USP29: variants seen among roughly 807,000 people sequenced by gnomAD.
The protein encoded by USP29 is ubiquitin specific peptidase 29, also known as ubiquitin carboxyl-terminal hydrolase 29.
For synonymous variants in USP29, 386 were observed against 387.4 expected (o/e 1.00, Z 0.04); for missense variants, 1,102 against 1,069.0 (o/e 1.03, Z -0.43).
At chr19:57,124,297 T>C (rs968372516) in intron 3 of USP29, among the ~76,000 whole-genome samples, 158 bp downstream of exon 3, 1 of 145,800 alleles carries the variant, frequency 6.9e-6, no homozygotes, top group African/African-American at 2.8e-5. Context: ...ATATTTTTTA[T>C]TTTTTCTGAA....
rs527678550 is a variant in USP29 at position 57,130,391 on chromosome 19, G to T, written c.1716G>T (p.Glu572Asp). The T allele has an allele frequency of 2.3e-5, 37 of 1,614,200 alleles. No homozygotes were observed. The South Asian group carries it at 3.6e-4, about 16-fold the overall frequency. ...AAGTCTCTCAGGAGATGATTTCTGAGATCAACAGCCCATTGACACCATCAA... is the reference window on the plus strand; with the variant it reads ...AAGTCTCTCAGGAGATGATTTCTGATATCAACAGCCCATTGACACCATCAA... ...VLEVSQEMIS[E>D]INSPLTPSMK... The change falls in exon 4 of 4, where the codon GAG (glutamate) becomes GAT (aspartate). Residue 572 changes from glutamate to aspartate, a missense_variant. Coordinates refer to ENST00000254181, the MANE Select transcript of USP29 (RefSeq NM_020903.3).
At position 57,127,126 on chromosome 19, in the gene USP29, T is replaced by C. The variant is rs530870236; in HGVS notation, c.-16-1534T>C. On this transcript the variant is annotated intron_variant, in intron 3 of 3. Transcript: ENST00000254181. ...ACAGCAAAGAGTGCTGCCTGTTCCT[T>C]CCTCTGGAAGATTTGTCCCAGAGGG... 3.1e-3 allele frequency among the ~76,000 whole-genome samples: 476 copies of C among 152,310 alleles called. 4 individuals are homozygous for C. The highest frequency in any genetic ancestry group is 0.011 in the South Asian group (54 of 4,832).
At chr19:57,127,979 G>A (rs925989558) in intron 3 of USP29, among the ~76,000 whole-genome samples, 2 of 152,214 alleles carry the variant, frequency 1.3e-5, no homozygotes, top group Non-Finnish European at 2.9e-5. Context: ...GTAACCGGGC[G>A]AGTAGCATAG....
rs760475128 is a variant in USP29 at position 57,129,370 on chromosome 19, G to A, written c.695G>A (p.Cys232Tyr). The A allele has an allele frequency of 1.2e-6, 2 of 1,614,190 alleles. No homozygotes were observed. The highest frequency in any genetic ancestry group is 1.1e-5 in the South Asian group (1 of 91,084). ...LKLGPSFNTN[C>Y]NGNPNLDETV... ...CTCGGGCCTTCATTCAATACCAACT[G>A]TAATGGAAATCCTAACCTAGATGAG... The change falls in exon 4 of 4, where the codon TGT (cysteine) becomes TAT (tyrosine). Residue 232 changes from cysteine (C) to tyrosine (Y), a missense_variant. Physicochemically the swap from Cys to Tyr is radical, Grantham distance 194 (BLOSUM62 -2). Transcript: ENST00000254181.
intron 1 of USP29, among the ~76,000 whole-genome samples, chr19:57,121,339 T>C (rs1449274768): frequency 6.8e-6 from 1 of 146,526 alleles, no homozygotes; most frequent in Non-Finnish European, 1.5e-5. Flanking sequence ...ATATTATATA[T>C]ACTTATATAT....
At position 57,130,794 on chromosome 19, in the gene USP29, A is replaced by G. The variant is rs533207033; in HGVS notation, c.2119A>G (p.Ser707Gly). ...TACATTCGTAGAGTTCAATTTTGAC[A>G]GTGTCACTGAGTCCACCAATGGCTT... is the stretch of plus-strand genomic sequence containing the variant. ...TNTFVEFNFDSVTESTNGFYD... is the reference protein window; with the variant it reads ...TNTFVEFNFDGVTESTNGFYD... Residue 707 changes from serine to glycine, a missense_variant, in exon 4 of 4, where the codon AGT (serine) becomes GGT (glycine). Transcript: ENST00000254181. 13 of 1,614,200 alleles carry G rather than the reference A, an allele frequency of 8.1e-6. No homozygotes were observed. In the South Asian group the frequency reaches 1.4e-4, roughly 18 times the overall value.
chr19:57,125,255 G>A (rs1049298091), intron 3 of USP29, among the ~76,000 whole-genome samples: 8 of 152,094 alleles, frequency 5.3e-5, no homozygotes, highest in East Asian at 1.9e-4. Context: ...TATGATTTCC[G>A]TTCTTTTGCA....
intron 1 of USP29, among the ~76,000 whole-genome samples, chr19:57,121,361 T>TTATA (rs1182354407): frequency 6.9e-6 from 1 of 145,768 alleles, no homozygotes; most frequent in Non-Finnish European, 1.5e-5. Context: ...TTATATCTAC[T>TTATA]TATGTTATAT....
rs748300835 is a variant in USP29 at position 57,131,312 on chromosome 19, C to A, written c.2637C>A (p.Ile879=). ...AGGCGAGGCTTCACTCTGGGTATATCTTCTTTTACATGCACAATGGGATTT... is the reference window on the plus strand; with the variant it reads ...AGGCGAGGCTTCACTCTGGGTATATATTCTTTTACATGCACAATGGGATTT... The part of the protein sequence containing the change: ...MQEARLHSGY[I]FFYMHNGIFE... Residue 879 remains isoleucine, a synonymous_variant, in exon 4 of 4, where the codon ATC becomes ATA. Coordinates refer to ENST00000254181, the MANE Select transcript of USP29 (RefSeq NM_020903.3). 1 of 1,614,196 alleles carries A rather than the reference C, an allele frequency of 6.2e-7. No homozygotes were observed.
chr19:57,128,341 AG>A (rs1421694866), intron 3 of USP29, among the ~76,000 whole-genome samples: 13 of 152,174 alleles, frequency 8.5e-5, no homozygotes, highest in African/African-American at 2.7e-4. Flanking sequence ...CAGAGTGCTA[AG>A]ATTACAGGCG....
rs909602138 is a variant in USP29, at chr19:57,131,753, T to A, written c.*309T>A. The A allele has an allele frequency of 3.2e-6, 1 of 308,098 alleles. No homozygotes were observed. The highest frequency in any genetic ancestry group is 2.2e-5 in the African/African-American group (1 of 45,936). 19.1% of individuals were successfully genotyped at this position (308,098 alleles called of 1,614,324 possible). On this transcript the variant is annotated 3_prime_UTR_variant, in exon 4 of 4. Transcript: ENST00000254181. Reference sequence around the variant, plus strand: ...AGGGACTGATTAGAAATGCAAATTCTTGGGTCACTCTCTAGACCAACTGAT... The same window carrying A: ...AGGGACTGATTAGAAATGCAAATTCATGGGTCACTCTCTAGACCAACTGAT...
chr19:57,125,820 G>T (rs1021086750), intron 3 of USP29, among the ~76,000 whole-genome samples: 3 of 152,086 alleles, frequency 2.0e-5, no homozygotes, highest in African/African-American at 7.2e-5. Context: ...ATGCTAGCTG[G>T]TTATTTTGCA....
chr19:57,130,409 A>G lies in USP29; in HGVS notation c.1734A>G (p.Thr578=), dbSNP rs375643905. The G allele has an allele frequency of 2.2e-4, 357 of 1,614,144 alleles. 8 individuals carry two copies. In the South Asian group the frequency reaches 3.7e-3, roughly 17 times the overall value. The change falls in exon 4 of 4, where the codon ACA becomes ACG. Residue 578 remains threonine, a synonymous_variant. Transcript: ENST00000254181. ...EMISEINSPL[T]PSMKLTSESS... Reference sequence around the variant, plus strand: ...TTTCTGAGATCAACAGCCCATTGACACCATCAATGAAGCTGACCTCAGAAT... The same window carrying G: ...TTTCTGAGATCAACAGCCCATTGACGCCATCAATGAAGCTGACCTCAGAAT...
chr19:57,124,286 G>A (rs2086811836), intron 3 of USP29, 147 bp downstream of exon 3: 1 of 151,212 alleles, frequency 6.6e-6, no homozygotes. Context: ...AATTCAGAGA[G>A]ATATTTTTTA....
Position 57,129,408 on chromosome 19 carries a change from A to G in USP29, c.733A>G (p.Thr245Ala). ...NPNLDETVLATQTLNAKNGLT... is the reference protein window; with the variant it reads ...NPNLDETVLAAQTLNAKNGLT... ...TAACCTAGATGAGACTGTTCTTGCA[A>G]CCCAGACTCTCAATGCCAAAAATGG... The change falls in exon 4 of 4, where the codon ACC (threonine) becomes GCC (alanine). Residue 245 changes from threonine to alanine, a missense_variant. Thr to Ala is a moderately conservative substitution (Grantham distance 58). Coordinates refer to ENST00000254181, the MANE Select transcript of USP29 (RefSeq NM_020903.3). The G allele has an allele frequency of 2.5e-6, 4 of 1,614,206 alleles. No homozygotes were observed. The highest frequency in any genetic ancestry group is 3.4e-6 in the Non-Finnish European group (4 of 1,180,038).
Position 57,128,851 on chromosome 19 carries a change from G to A in USP29, c.176G>A (p.Ser59Asn), listed in dbSNP as rs746540505. The part of the protein sequence containing the change: ...RIFQLSNNIR[S>N]VVLRHCKKRQ... ...TTTCAGCTGAGCAACAACATTAGAA[G>A]TGTGGTCCTTAGACATTGTAAAAAA... The change falls in exon 4 of 4, where the codon AGT (serine) becomes AAT (asparagine). Residue 59 changes from serine (S) to asparagine (N), a missense_variant. Transcript: ENST00000254181. 1 of 1,613,972 alleles carries A rather than the reference G, an allele frequency of 6.2e-7. No individual in the cohort carries two copies. Among genetic ancestry groups the A allele is most frequent in the African/African-American group, 1.3e-5 (1 of 75,034 alleles).
chr19:57,127,201 C>A (rs1353019633), intron 3 of USP29, among the ~76,000 whole-genome samples: 1 of 152,226 alleles, frequency 6.6e-6, no homozygotes, highest in Non-Finnish European at 1.5e-5. Flanking sequence ...TGTCTCTCAA[C>A]CCCTGTTGGG....
At chr19:57,123,603 C>T (rs999707717) in intron 2 of USP29, among the ~76,000 whole-genome samples, 2 of 151,844 alleles carry the variant, frequency 1.3e-5, no homozygotes, top group African/African-American at 4.8e-5. Context: ...TGTGTGATCT[C>T]GATGCATCCT....
At position 57,131,096 on chromosome 19, in the gene USP29, C is replaced by T. The variant is rs972489589; in HGVS notation, c.2421C>T (p.Ala807=). The change falls in exon 4 of 4, where the codon GCC becomes GCT. Residue 807 remains alanine, a synonymous_variant. Coordinates refer to ENST00000254181, the MANE Select transcript of USP29 (RefSeq NM_020903.3). The stretch of plus-strand genomic sequence containing the variant: ...ATGCAGAGAACACAAGAGGTGAAGC[C>T]AAGGAACTAACAAGAAACGTGAAGA... ...ILDAENTRGE[A]KELTRNVKMG... The T allele has an allele frequency of 6.2e-7, 1 of 1,614,012 alleles. No individual in the cohort carries two copies. Among genetic ancestry groups the T allele is most frequent in the African/African-American group, 1.3e-5 (1 of 74,904 alleles).
Sources: allele counts gnomAD v4.1 joint callset (sites outside exome capture counted in the v4.1 genomes callset), GRCh38; gene constraint gnomAD v4.1.1; transcripts MANE v1.5; gene names NCBI Gene and HGNC (gene_info 2026-07-23, HGNC 2026-07-21).